The following TDRD5 variants were observed in gnomAD, a reference collection of about 807,000 sequenced individuals.
TDRD5 encodes tudor domain-containing protein 5.
In TDRD5, 41 loss-of-function variants were observed where a neutral mutation model predicts 120.6. The observed-to-expected ratio is 0.34, with a 90% CI of 0.26 to 0.44. TDRD5 has a LOEUF of 0.44. Among genes scored for constraint, TDRD5 ranks in the 20% least tolerant of loss-of-function variants. The pLI is 1.00. For missense variants in TDRD5, 1,006 were observed against 1,221.2 expected, an observed-to-expected ratio of 0.82 and a Z score of 2.63; for synonymous variants, 430 against 433.7, an observed-to-expected ratio of 0.99 and a Z score of 0.11.
chr1:179,631,156 C>A (rs2102000718), intron 7 of TDRD5, among the ~76,000 whole-genome samples: 1 of 152,176 alleles, frequency 6.6e-6, no homozygotes, highest in Admixed American at 6.5e-5. Context: ...CTTTGGGAGG[C>A]CGAGGTGGGC....
chr1:179,630,622 T>C, intron 6 of TDRD5, 145 bp from the exon 7 acceptor site: 1 of 726,450 alleles, frequency 1.4e-6, no homozygotes, highest in Non-Finnish European at 2.1e-6. Context: ...GTTTGTTTTA[T>C]GCTGGTATGG....
intron 7 of TDRD5, among the ~76,000 whole-genome samples, chr1:179,632,504 A>T (rs911258278): frequency 1.3e-5 from 2 of 151,874 alleles, no homozygotes; most frequent in African/African-American, 4.8e-5. Context: ...GTAGAGAGAG[A>T]ACATTTTCTA....
intron 6 of TDRD5, 49 bp downstream of exon 6, chr1:179,621,140 C>T: frequency 6.6e-7 from 1 of 1,525,704 alleles, no homozygotes; most frequent in Non-Finnish European, 8.9e-7. Flanking sequence ...GCTTATATTT[C>T]TTGTGATAGA....
intron 7 of TDRD5, among the ~76,000 whole-genome samples, chr1:179,633,196 A>T (rs4233183): frequency 0.92 from 140,578 of 152,154 alleles, 65,679 homozygotes; most frequent in Non-Finnish European, 0.99. Context: ...TATATATAAT[A>T]ATAATGTACT....
chr1:179,683,308 G>A (rs1249333347), intron 17 of TDRD5, among the ~76,000 whole-genome samples: 5 of 152,174 alleles, frequency 3.3e-5, no homozygotes, highest in Admixed American at 1.3e-4. Flanking sequence ...AGGCAAGAGA[G>A]TAAATATTCT....
At chr1:179,680,081 A>G (rs1433972979) in intron 17 of TDRD5, among the ~76,000 whole-genome samples, 2 of 152,120 alleles carry the variant, frequency 1.3e-5, no homozygotes, top group Non-Finnish European at 2.9e-5. Flanking sequence ...TTGGTTATCT[A>G]GAATTATGTT....
At chr1:179,663,259 C>T in intron 15 of TDRD5, 89 bp from the exon 16 acceptor site, 1 of 1,412,854 alleles carries the variant, frequency 7.1e-7, no homozygotes, top group Non-Finnish European at 9.6e-7. Context: ...ATATGTATTG[C>T]TTTCTTGCAT....
chr1:179,624,911 A>G (rs1677036890), intron 6 of TDRD5, among the ~76,000 whole-genome samples: 1 of 152,072 alleles, frequency 6.6e-6, no homozygotes, highest in East Asian at 1.9e-4. Flanking sequence ...GTGCATGCAT[A>G]GGAGATCCAC....
intron 17 of TDRD5, among the ~76,000 whole-genome samples, chr1:179,676,792 T>C (rs1236365746): frequency 2.0e-5 from 3 of 152,252 alleles, no homozygotes. Flanking sequence ...CTTTCCTTGG[T>C]CTTGACTTTA....
At chr1:179,667,596 G>A (rs1679624278) in intron 16 of TDRD5, among the ~76,000 whole-genome samples, 1 of 152,012 alleles carries the variant, frequency 6.6e-6, no homozygotes, top group African/African-American at 2.4e-5. Context: ...ACTTATTATT[G>A]CAGCTTATTG....
intron 3 of TDRD5, 31 bp downstream of exon 3, chr1:179,593,898 A>T (rs6698734): frequency 6.3e-7 from 1 of 1,597,566 alleles, no homozygotes; most frequent in South Asian, 1.1e-5. Context: ...TGGAGCAGTC[A>T]TGGCACATAG....
intron 4 of TDRD5, among the ~76,000 whole-genome samples, chr1:179,617,668 CA>C (rs1251356131): frequency 2.0e-5 from 3 of 151,712 alleles, no homozygotes; most frequent in African/African-American, 7.2e-5. Flanking sequence ...GTCGATTGAA[CA>C]AAACTCTACA....
intron 4 of TDRD5, among the ~76,000 whole-genome samples, chr1:179,604,987 A>G (rs2101928301): frequency 6.6e-6 from 1 of 152,110 alleles, no homozygotes; most frequent in South Asian, 2.1e-4. Context: ...GTCCTCCACT[A>G]TTATTGTGTT....
chr1:179,681,100 T>A (rs1239181958), intron 17 of TDRD5, among the ~76,000 whole-genome samples: 1 of 152,170 alleles, frequency 6.6e-6, no homozygotes, highest in African/African-American at 2.4e-5. Flanking sequence ...GTTTTTGAAA[T>A]GGGGTCTCAC....
At chr1:179,680,817 C>T (rs1357315938) in intron 17 of TDRD5, among the ~76,000 whole-genome samples, 1 of 150,372 alleles carries the variant, frequency 6.7e-6, no homozygotes, top group Non-Finnish European at 1.5e-5. Context: ...AAAGCAACCA[C>T]TAAAAAAGAA....
intron 17 of TDRD5, among the ~76,000 whole-genome samples, chr1:179,688,064 TG>T (rs1680845324): frequency 6.6e-6 from 1 of 152,220 alleles, no homozygotes. Context: ...AATATTGTTA[TG>T]TGTGAATTTG....
At chr1:179,640,669 G>C (rs1307014725) in intron 11 of TDRD5, among the ~76,000 whole-genome samples, 1 of 152,230 alleles carries the variant, frequency 6.6e-6, no homozygotes. Context: ...GCAAAAGGAA[G>C]ATTGCTTGTT....
At chr1:179,627,355 G>A (rs1430922889) in intron 6 of TDRD5, among the ~76,000 whole-genome samples, 1 of 152,162 alleles carries the variant, frequency 6.6e-6, no homozygotes, top group African/African-American at 2.4e-5. Context: ...GGGTTGGGGG[G>A]AGAGAATATA....
chr1:179,599,614 A>G (rs2101915127), intron 4 of TDRD5, among the ~76,000 whole-genome samples: 1 of 152,014 alleles, frequency 6.6e-6, no homozygotes, highest in Admixed American at 6.6e-5. Context: ...AAATTTATTG[A>G]AATAAAGTTG....
Sources: gnomAD v4.1 joint callset for allele counts (sites outside exome capture counted in the v4.1 genomes callset) on GRCh38, gnomAD v4.1.1 for gene constraint, MANE v1.5 for transcripts, NCBI Gene and HGNC (gene_info 2026-07-23, HGNC 2026-07-21) for gene names.